The following LRRC20 variants were observed in gnomAD, a reference collection of about 807,000 sequenced individuals.
LRRC20 encodes the protein leucine rich repeat containing 20.
Under a neutral mutation model 14.4 loss-of-function variants are expected in LRRC20, and 11 were observed. The observed-to-expected ratio is 0.77, with a 90% CI of 0.48 to 1.27. LRRC20 has a LOEUF of 1.27. Ranked by LOEUF, LRRC20 falls within the 50% of genes most tolerant of loss-of-function variation. The pLI is 0.00. For missense variants in LRRC20, 219 were observed against 251.2 expected (o/e 0.87, Z 0.87); for synonymous variants, 121 against 107.3 (o/e 1.13, Z -0.79).
chr10:70,326,330 A>ACACACACACACACG (rs1554838457), intron 3 of LRRC20, among the ~76,000 whole-genome samples: 2 of 150,966 alleles, frequency 1.3e-5, no homozygotes, highest in African/African-American at 4.9e-5. Context: ...ACACACACAC[A>ACACACACACACACG]CACGCACGCG....
At chr10:70,331,437 T>G (rs59496742) in intron 3 of LRRC20, among the ~76,000 whole-genome samples, 2,240 of 152,338 alleles carry the variant, frequency 0.015, 61 homozygotes, top group African/African-American at 0.051. Flanking sequence ...CTCTGTTGTT[T>G]CCAGTTCAGA....
Position 70,340,548 on chromosome 10 carries a change from C to A in LRRC20, c.232+5G>T. 2.5e-6 allele frequency: 4 copies of A among 1,613,986 alleles called. No individual in the cohort carries two copies. In the East Asian group the frequency reaches 6.7e-5, roughly 27 times the overall value. ...CCCTCCTGGCTGGAGCTGACCAGGG[C>A]CTACCTCGGAGCTGACTGAATGTGG... On this transcript the variant is annotated splice_donor_5th_base_variant and intron_variant, in intron 3 of 4. Transcript: ENST00000446961.
intron 2 of LRRC20, among the ~76,000 whole-genome samples, chr10:70,363,244 G>T (rs1843821039): frequency 6.9e-6 from 1 of 143,900 alleles, no homozygotes; most frequent in Non-Finnish European, 1.5e-5. Context: ...CAAAGGGAGG[G>T]AAGGGTGGAG....
chr10:70,331,871 T>G (rs1275998224), intron 3 of LRRC20, among the ~76,000 whole-genome samples: 1 of 152,222 alleles, frequency 6.6e-6, no homozygotes, highest in African/African-American at 2.4e-5. Flanking sequence ...CAAGTTCCTC[T>G]TATTACTTCC....
At position 70,355,092 on chromosome 10, in the gene LRRC20, C is replaced by T. The variant is rs1338582846; in HGVS notation, c.83-14390G>A. On this transcript the variant is annotated intron_variant, in intron 2 of 4. Coordinates refer to ENST00000446961, the MANE Select transcript of LRRC20 (RefSeq NM_001278212.2). The stretch of plus-strand genomic sequence containing the variant: ...TCTGTCAAACAGGAGCCCCCCATGA[C>T]TTGAGCTGCCAGTCTCTGAAATGTC... Among the ~76,000 whole-genome samples the T allele has an allele frequency of 4.6e-5, 7 of 152,322 alleles. No homozygotes were observed. In the East Asian group the frequency reaches 1.4e-3, roughly 29 times the overall value.
intron 2 of LRRC20, among the ~76,000 whole-genome samples, chr10:70,354,886 C>T (rs1389305304): frequency 6.6e-6 from 1 of 152,144 alleles, no homozygotes; most frequent in Non-Finnish European, 1.5e-5. Flanking sequence ...ACTCAGGAGG[C>T]CTAATTCTTA....
chr10:70,331,544 C>T (rs928247543), intron 3 of LRRC20, among the ~76,000 whole-genome samples: 1 of 152,236 alleles, frequency 6.6e-6, no homozygotes, highest in Non-Finnish European at 1.5e-5. Context: ...GGCTTTGCTT[C>T]TCACCTCTGG....
intron 3 of LRRC20, among the ~76,000 whole-genome samples, chr10:70,329,901 C>T (rs1842472267): frequency 6.6e-6 from 1 of 152,168 alleles, no homozygotes; most frequent in African/African-American, 2.4e-5. Flanking sequence ...TGATTGATTT[C>T]TAAAGTTGGA....
At chr10:70,313,843 T>C (rs1337602969) in intron 4 of LRRC20, among the ~76,000 whole-genome samples, 1 of 152,200 alleles carries the variant, frequency 6.6e-6, no homozygotes, top group Admixed American at 6.5e-5. Context: ...TCAGGTATCT[T>C]TCAGACTCTG....
chr10:70,300,889 GTCTTC>G lies in LRRC20; in HGVS notation c.*460_*464del. ...AGGAAGCAATAAATAGATGGAGGTT[GTCTTC>G]TCTTCTCAGGGCAGCAACTGGCTCT... is the stretch of plus-strand genomic sequence containing the variant. On this transcript the variant is annotated 3_prime_UTR_variant, in exon 5 of 5. Coordinates refer to ENST00000446961, the MANE Select transcript of LRRC20 (RefSeq NM_001278212.2). The G allele has an allele frequency of 2.0e-6, 2 of 988,016 alleles. No individual in the cohort carries two copies. The highest frequency in any genetic ancestry group is 1.7e-5 in the African/African-American group (1 of 57,402). The allele number at this position is 988,016 out of a possible 1,614,324, so 61.2% of individuals were successfully genotyped here. A position where few individuals can be genotyped will look rare whatever the true frequency, so the allele number is the denominator to read the frequency against.
At chr10:70,326,583 A>G (rs1842331666) in intron 3 of LRRC20, among the ~76,000 whole-genome samples, 1 of 152,310 alleles carries the variant, frequency 6.6e-6, no homozygotes, top group African/African-American at 2.4e-5. Flanking sequence ...CAACAGGTCC[A>G]GTGCTCGCTT....
intron 2 of LRRC20, among the ~76,000 whole-genome samples, chr10:70,366,233 G>A (rs1273904635): frequency 6.6e-6 from 1 of 151,760 alleles, no homozygotes; most frequent in Non-Finnish European, 1.5e-5. Context: ...GACCAGCCTG[G>A]CCAACATAGT....
At chr10:70,370,640 G>A (rs899117422) in intron 2 of LRRC20, among the ~76,000 whole-genome samples, 3 of 152,164 alleles carry the variant, frequency 2.0e-5, no homozygotes, top group Non-Finnish European at 4.4e-5. Context: ...CTACTTGGGA[G>A]GCTGAGGCAG....
At chr10:70,319,997 T>G (rs914966768) in intron 4 of LRRC20, among the ~76,000 whole-genome samples, 3 of 152,110 alleles carry the variant, frequency 2.0e-5, no homozygotes, top group African/African-American at 4.8e-5. Context: ...TCTGCTTCCC[T>G]TTCACCTGAA....
At position 70,340,654 on chromosome 10, in the gene LRRC20, A is replaced by C; in HGVS notation, c.131T>G (p.Val44Gly). Reference protein sequence around the residue: ...LVSFPIGIYKVLRNVSGQIHL... With the variant: ...LVSFPIGIYKGLRNVSGQIHL... ...GATCTGGCCAGAGACATTCCGCAGG[A>C]CCTTGTAGATGCCAATGGGAAAGGA... Residue 44 changes from valine (V) to glycine (G), a missense_variant, in exon 3 of 5, where the codon GTC (valine) becomes GGC (glycine). Coordinates refer to ENST00000446961, the MANE Select transcript of LRRC20 (RefSeq NM_001278212.2). 1 of 1,614,108 alleles carries C rather than the reference A, an allele frequency of 6.2e-7. No individual in the cohort carries two copies. The highest frequency in any genetic ancestry group is 8.5e-7 in the Non-Finnish European group (1 of 1,180,004).
rs116096407 is a variant in LRRC20 at position 70,310,777 on chromosome 10, G to A, written c.401-9269C>T. Among the ~76,000 whole-genome samples, 916 of 152,326 alleles carry A rather than the reference G, an allele frequency of 6.0e-3. 15 individuals are homozygous for A. The highest frequency in any genetic ancestry group is 0.021 in the African/African-American group (878 of 41,564). On this transcript the variant is annotated intron_variant, in intron 4 of 4. Transcript: ENST00000446961. The stretch of plus-strand genomic sequence containing the variant: ...ACTACAGCTACACTCAAGAGTTGGG[G>A]CCCATTCCCTGGCCTCACCCATTCT...
At chr10:70,315,664 C>A (rs1841824923) in intron 4 of LRRC20, among the ~76,000 whole-genome samples, 1 of 152,190 alleles carries the variant, frequency 6.6e-6, no homozygotes. Flanking sequence ...GAGACGCCCC[C>A]CCACAGAGGA....
At chr10:70,339,537 T>C (rs1396607804) in intron 3 of LRRC20, among the ~76,000 whole-genome samples, 3 of 151,956 alleles carry the variant, frequency 2.0e-5, no homozygotes, top group African/African-American at 7.2e-5. Flanking sequence ...TCTGCCCCCC[T>C]AGGCTTCCTG....
chr10:70,363,028 C>T (rs1843806936), intron 2 of LRRC20, among the ~76,000 whole-genome samples: 2 of 151,276 alleles, frequency 1.3e-5, no homozygotes, highest in Non-Finnish European at 2.9e-5. Flanking sequence ...CTCAAGATTT[C>T]GGGAGGCTGA....
Sources: allele counts gnomAD v4.1 joint callset (sites outside exome capture counted in the v4.1 genomes callset), GRCh38; gene constraint gnomAD v4.1.1; transcripts MANE v1.5; gene names NCBI Gene and HGNC (gene_info 2026-07-23, HGNC 2026-07-21).